The following PAXIP1 variants were observed in gnomAD, a reference collection of about 807,000 sequenced individuals.
PAXIP1 encodes PAX interacting protein 1, also known as PAX-interacting protein 1.
A neutral mutation model predicts 140.6 loss-of-function variants in PAXIP1; 19 were observed. The ratio of observed to expected loss-of-function variants is 0.14; its 90% CI spans 0.09 to 0.20. The LOEUF is 0.20. PAXIP1 is among the 10% of genes least tolerant of loss of function. PAXIP1 has a pLI of 1.00. For synonymous variants in PAXIP1, 442 were observed against 444.6 expected (o/e 0.99, Z 0.07); for missense variants, 920 against 1,208.6 (o/e 0.76, Z 3.54).
intron 16 of PAXIP1, among the ~76,000 whole-genome samples, chr7:154,952,802 T>C (rs1045641377): frequency 4.6e-5 from 7 of 152,240 alleles, no homozygotes; most frequent in African/African-American, 1.7e-4. Flanking sequence ...ATGACAAGAA[T>C]TGCCTGAATA....
Position 154,963,929 on chromosome 7 carries a change from C to A in PAXIP1, c.1894-163G>T. On this transcript the variant is annotated intron_variant, in intron 8 of 20. Coordinates refer to ENST00000404141, the MANE Select transcript of PAXIP1 (RefSeq NM_007349.4). The surrounding 1 kb of genome is among the most constrained non-coding windows in gnomAD (Gnocchi z 4.1). ...ACAGTTCTATTTACGGACTTTTCTA[C>A]CCAGCACCATACAATGAAAATGAAC... is the stretch of plus-strand genomic sequence containing the variant. 1.7e-6 allele frequency: 1 copy of A among 591,816 alleles called. No homozygotes were observed. Among genetic ancestry groups the A allele is most frequent in the Non-Finnish European group, 3.1e-6 (1 of 326,968 alleles). 36.7% of individuals were successfully genotyped at this position (591,816 alleles called of 1,614,324 possible).
intron 15 of PAXIP1, among the ~76,000 whole-genome samples, chr7:154,955,186 T>C (rs1055571073): frequency 1.3e-5 from 2 of 152,196 alleles, no homozygotes; most frequent in East Asian, 3.8e-4. Context: ...TGTGTTTCAA[T>C]CAGAGATCTT....
At chr7:154,996,426 G>T (rs1019323550) in intron 2 of PAXIP1, among the ~76,000 whole-genome samples, 2 of 152,162 alleles carry the variant, frequency 1.3e-5, no homozygotes, top group East Asian at 3.8e-4. Flanking sequence ...AACTACCTTG[G>T]CAAAATGGTG....
chr7:154,960,458 C>G (rs1808708587), intron 12 of PAXIP1, among the ~76,000 whole-genome samples: 1 of 152,168 alleles, frequency 6.6e-6, no homozygotes, highest in African/African-American at 2.4e-5. Context: ...ATTAACTGGC[C>G]TGAGAGGCAA....
intron 3 of PAXIP1, among the ~76,000 whole-genome samples, chr7:154,992,470 C>T (rs1011723067): frequency 7.9e-5 from 12 of 152,114 alleles, no homozygotes; most frequent in African/African-American, 2.9e-4. Flanking sequence ...TCGCTTGAAC[C>T]CATAGTCCCA....
In PAXIP1 at chr7:154,983,246, C is replaced by T. The variant is rs781369658; in HGVS notation, c.411G>A (p.Thr137=). Residue 137 remains threonine (T), a synonymous_variant, in exon 5 of 21, where the codon ACG becomes ACA. Coordinates refer to ENST00000404141, the MANE Select transcript of PAXIP1 (RefSeq NM_007349.4). ...CCTTTGGCTCTGGAACAATCAAATG[C>T]GTGCATTTCTTATTGAGGGTTAGCT... ...DCQLTLNKKC[T]HLIVPEPKGE... is the part of the protein sequence containing the mutation. 70 of 1,609,294 alleles carry T rather than the reference C, an allele frequency of 4.3e-5. No individual in the cohort carries two copies. In the South Asian group the frequency reaches 7.3e-4, roughly 17 times the overall value.
At position 154,956,218 on chromosome 7, in the gene PAXIP1, T is replaced by C. The variant is rs1423696932; in HGVS notation, c.2550-587A>G. Among the ~76,000 whole-genome samples, 2 of 152,236 alleles carry C rather than the reference T, an allele frequency of 1.3e-5. No homozygotes were observed. Among genetic ancestry groups the C allele is most frequent in the South Asian group, 2.1e-4 (1 of 4,832 alleles). On this transcript the variant is annotated intron_variant, in intron 14 of 20. Transcript: ENST00000404141. The surrounding 1 kb of genome is among the most constrained non-coding windows in gnomAD (Gnocchi z 4.2). ...TTTACATGAATTTTTTAGGTCTTTTTTTCAGGTTATTATTTTCTGAGACAG... is the reference window on the plus strand; with the variant it reads ...TTTACATGAATTTTTTAGGTCTTTTCTTCAGGTTATTATTTTCTGAGACAG...
At chr7:154,944,774 T>C (rs1396848878) in intron 20 of PAXIP1, 6 of 152,182 alleles carry the variant, frequency 3.9e-5, no homozygotes, top group African/African-American at 7.2e-5. Context: ...CAAATGCTTA[T>C]AGCATATCTG....
intron 20 of PAXIP1, chr7:154,945,119 A>ATT (rs1807892171): frequency 6.6e-6 from 1 of 150,870 alleles, no homozygotes; most frequent in Admixed American, 6.6e-5. Context: ...AGTAGCTGTG[A>ATT]TTACAGGTAC....
At position 154,968,591 on chromosome 7, in the gene PAXIP1, AGCT is replaced by A; in HGVS notation, c.1607_1609del (p.Gln536del). The A allele has an allele frequency of 7.0e-6, 5 of 714,416 alleles. No individual in the cohort carries two copies. Among genetic ancestry groups the A allele is most frequent in the East Asian group, 2.7e-5 (1 of 37,028 alleles). The allele number at this position is 714,416 out of a possible 1,614,324, so 44.3% of individuals were successfully genotyped here. ...CTGCTGCTGCTGGTGCATGCGCTGG[AGCT>A]GCTGCTGCTGAATCTGCTGTTGCTG... On this transcript the variant is annotated inframe_deletion, in exon 7 of 21. Transcript: ENST00000404141.
intron 2 of PAXIP1, 108 bp from the exon 3 acceptor site, chr7:154,993,877 A>C (rs1810459648): frequency 1.3e-6 from 1 of 747,022 alleles, no homozygotes; most frequent in African/African-American, 1.8e-5. Flanking sequence ...ACCTATTTTA[A>C]AACATCCAGA....
chr7:154,957,273 G>C lies in PAXIP1; in HGVS notation c.2500C>G (p.Leu834Val). Residue 834 changes from leucine (L) to valine (V), a missense_variant, in exon 14 of 21, where the codon CTG (leucine) becomes GTG (valine). This residue lies in a region of PAXIP1 where 303 missense variants were observed against 517.9 expected (regional missense o/e 0.59). Transcript: ENST00000404141. Reference sequence around the variant, plus strand: ...ACATTAGCTACTTCATTCTGTTTCAGTTTGGGAGGTAGTCTTATACTCTGC... The same window carrying C: ...ACATTAGCTACTTCATTCTGTTTCACTTTGGGAGGTAGTCTTATACTCTGC... The part of the protein sequence containing the change: ...LLMSIRLPPK[L>V]KQNEVANVQP... The C allele has an allele frequency of 6.2e-7, 1 of 1,605,296 alleles. No individual in the cohort carries two copies. The highest frequency in any genetic ancestry group is 1.7e-4 in the Middle Eastern group (1 of 6,036).
In PAXIP1 at chr7:154,961,023, G is replaced by A. The variant is rs61752007; in HGVS notation, c.2304C>T (p.Asn768=). ...KAKEWRIPCV[N]AQWLGDILLG... The stretch of plus-strand genomic sequence containing the variant: ...GAAGAATGTCGCCAAGCCACTGGGC[G>A]TTGACACAGGGTATCCTCCACTCTT... The change falls in exon 12 of 21, where the codon AAC becomes AAT. Residue 768 remains asparagine, a synonymous_variant. Coordinates refer to ENST00000404141, the MANE Select transcript of PAXIP1 (RefSeq NM_007349.4). 12 of 1,601,166 alleles carry A rather than the reference G, an allele frequency of 7.5e-6. No individual in the cohort carries two copies. Among genetic ancestry groups the A allele is most frequent in the East Asian group, 4.5e-5 (2 of 44,584 alleles).
chr7:154,963,907 G>A lies in PAXIP1; in HGVS notation c.1894-141C>T. On this transcript the variant is annotated intron_variant, in intron 8 of 20. Coordinates refer to ENST00000404141, the MANE Select transcript of PAXIP1 (RefSeq NM_007349.4). The surrounding 1 kb of genome is among the most constrained non-coding windows in gnomAD (Gnocchi z 4.1). ...CTCAAAGTATCAAGGACATGTAACA[G>A]TTCTATTTACGGACTTTTCTACCCA... 1.5e-6 allele frequency: 1 copy of A among 645,160 alleles called. No homozygotes were observed. Among genetic ancestry groups the A allele is most frequent in the South Asian group, 1.8e-5 (1 of 54,822 alleles). 40.0% of individuals were successfully genotyped at this position (645,160 alleles called of 1,614,324 possible). A position where few individuals can be genotyped will look rare whatever the true frequency, so the allele number is the denominator to read the frequency against.
chr7:154,948,206 T>C, intron 16 of PAXIP1: 1 of 549,870 alleles, frequency 1.8e-6, no homozygotes. Context: ...GACAGGTATT[T>C]TTTCTCCTAG....
chr7:154,957,045 A>G, intron 14 of PAXIP1, 179 bp downstream of exon 14: 1 of 431,176 alleles, frequency 2.3e-6, no homozygotes, highest in East Asian at 3.6e-5. Context: ...AAAATAAAAA[A>G]TATACTGGCC....
chr7:154,988,644 C>T (rs956175878), intron 4 of PAXIP1, among the ~76,000 whole-genome samples: 1 of 152,128 alleles, frequency 6.6e-6, no homozygotes, highest in African/African-American at 2.4e-5. Flanking sequence ...TCTTCAAAAT[C>T]CCATGTCACT....
Position 154,968,420 on chromosome 7 carries a change from T to C in PAXIP1, c.1781A>G (p.His594Arg), listed in dbSNP as rs1809123280. 1 of 1,548,490 alleles carries C rather than the reference T, an allele frequency of 6.5e-7. No individual in the cohort carries two copies. The highest frequency in any genetic ancestry group is 8.7e-7 in the Non-Finnish European group (1 of 1,144,432). Residue 594 changes from histidine (H) to arginine (R), a missense_variant, in exon 7 of 21, where the codon CAT becomes CGT. By Grantham distance (29) the His-to-Arg change is conservative (BLOSUM62 0). Coordinates refer to ENST00000404141, the MANE Select transcript of PAXIP1 (RefSeq NM_007349.4). Reference protein sequence around the residue: ...PSPQQHQLFGHDPAVEIPEEG... With the variant: ...PSPQQHQLFGRDPAVEIPEEG... ...TTACTAACTCTCCACTGCTGGATCA[T>C]GTCCAAAAAGCTGATGCTGCTGAGG...
At chr7:154,976,904 G>A (rs1442106495) in intron 5 of PAXIP1, among the ~76,000 whole-genome samples, 1 of 152,166 alleles carries the variant, frequency 6.6e-6, no homozygotes, top group Admixed American at 6.5e-5. Flanking sequence ...ACCTAACAAG[G>A]CTCACAATTT....
Sources: allele counts gnomAD v4.1 joint callset (sites outside exome capture counted in the v4.1 genomes callset), GRCh38; gene constraint gnomAD v4.1.1; regional missense constraint gnomAD v4.1.1; non-coding constraint Gnocchi (gnomAD v3.1); transcripts MANE v1.5; gene names NCBI Gene and HGNC (gene_info 2026-07-23, HGNC 2026-07-21).